CCDC30: variants seen among roughly 807,000 people sequenced by gnomAD.
The protein encoded by CCDC30 is coiled-coil domain containing 30.
In CCDC30, 70 loss-of-function variants were observed where a neutral mutation model predicts 100.2. The observed-to-expected ratio is 0.70, with a 90% CI of 0.58 to 0.85. CCDC30 has a LOEUF of 0.85. Ranked by LOEUF, CCDC30 falls within the 40% of genes least tolerant of loss-of-function variation. The probability of loss-of-function intolerance (pLI) is 0.00; values close to 1 mark genes in which losing one functional copy is unlikely to be tolerated. For missense variants in CCDC30, 652 were observed against 771.2 expected, an observed-to-expected ratio of 0.85 and a Z score of 1.83; for synonymous variants, 233 against 269.5, an observed-to-expected ratio of 0.86 and a Z score of 1.33.
chr1:42,577,007 T>C lies in CCDC30; in HGVS notation c.637-13T>C, dbSNP rs750441230. 6.3e-7 allele frequency: 1 copy of C among 1,579,778 alleles called. No individual in the cohort carries two copies. On this transcript the variant is annotated splice_polypyrimidine_tract_variant and intron_variant, in intron 7 of 16. Transcript: ENST00000668663. The stretch of plus-strand genomic sequence containing the variant: ...ACTTATTTGTATTACTCTTACTTAT[T>C]CTCTACCTCTAGATAAAGATTGAAC...
intron 8 of CCDC30, 44 bp from the exon 13 acceptor site, chr1:42,581,316 A>G: frequency 1.3e-6 from 2 of 1,510,128 alleles, no homozygotes; most frequent in African/African-American, 2.8e-5. Flanking sequence ...AAAAAAGGTC[A>G]CACTCTTCTT....
In CCDC30 at chr1:42,504,354, A is replaced by C. The variant is rs74966163; in HGVS notation, c.456+5438A>C. On this transcript the variant is annotated intron_variant, in intron 6 of 16. Transcript: ENST00000668663. ...ATGGTCAGTTTTGGGGCCAGATTTCAGGGGGCTTGTTCCCAACACCTGTTA... is the reference window on the plus strand; with the variant it reads ...ATGGTCAGTTTTGGGGCCAGATTTCCGGGGGCTTGTTCCCAACACCTGTTA... Among the ~76,000 whole-genome samples the C allele has an allele frequency of 3.3e-3, 495 of 152,266 alleles. 6 individuals are homozygous for C. Among genetic ancestry groups the C allele is most frequent in the East Asian group, 0.01 (54 of 5,162 alleles).
intron 2 of CCDC30, among the ~76,000 whole-genome samples, chr1:42,481,940 T>TG (rs1379285594): frequency 6.6e-6 from 1 of 152,078 alleles, no homozygotes; most frequent in Non-Finnish European, 1.5e-5. Context: ...CATTACAAGC[T>TG]GGGTGCGGTG....
chr1:42,642,411 A>C (rs1647530654), intron 12 of CCDC30, 62 bp from the exon 17 acceptor site: 1 of 1,352,028 alleles, frequency 7.4e-7, no homozygotes, highest in African/African-American at 1.5e-5. Context: ...AAACAGGCTT[A>C]TGCTCTTAAA....
chr1:42,481,846 A>C (rs1643963741), intron 2 of CCDC30, among the ~76,000 whole-genome samples: 1 of 152,194 alleles, frequency 6.6e-6, no homozygotes, highest in African/African-American at 2.4e-5. Flanking sequence ...CAATAGCAAA[A>C]ATCAGAAGCT....
At chr1:42,634,249 C>CAAAAAAAAAAAAAAAAAAAAAAAA (rs754829759) in intron 11 of CCDC30, among the ~76,000 whole-genome samples, 1 of 115,318 alleles carries the variant, frequency 8.7e-6, no homozygotes, top group African/African-American at 3.3e-5. Context: ...AAGACTGTCT[C>CAAAAAAAAAAAAAAAAAAAAAAAA]AAAAAAAAAA....
intron 6 of CCDC30, among the ~76,000 whole-genome samples, chr1:42,535,501 C>T (rs931113138): frequency 6.7e-6 from 1 of 150,110 alleles, no homozygotes; most frequent in Non-Finnish European, 1.5e-5. Flanking sequence ...GTGCCAATTT[C>T]AGCTGCTTCC....
intron 9 of CCDC30, among the ~76,000 whole-genome samples, chr1:42,585,594 A>G (rs1646051727): frequency 6.6e-6 from 1 of 151,860 alleles, no homozygotes. Flanking sequence ...CTTTAGGCTT[A>G]TAATGTTCTT....
rs541037809 is a variant in CCDC30 at position 42,463,688 on chromosome 1, G to A, written c.-302G>A. 6.6e-6 allele frequency: 1 copy of A among 152,186 alleles called. No homozygotes were observed. The highest frequency in any genetic ancestry group is 1.5e-5 in the Non-Finnish European group (1 of 68,052). 9.4% of individuals were successfully genotyped at this position (152,186 alleles called of 1,614,324 possible). A position where few individuals can be genotyped will look rare whatever the true frequency, so the allele number is the denominator to read the frequency against. On this transcript the variant is annotated 5_prime_UTR_variant, in exon 1 of 17. The change creates a new upstream start codon in the 5' untranslated region. Coordinates refer to ENST00000668663, the Ensembl canonical transcript of CCDC30. ...TCGGCGTTCCTTTTCTCACTTAAAG[G>A]TGAGGTGTCGAGACGCGCCCCTGGA...
the CCDC30 span, chr1:42,457,327 C>A: frequency 1.2e-6 from 2 of 1,614,176 alleles, no homozygotes; most frequent in Non-Finnish European, 1.7e-6. Flanking sequence ...ACACAAGATC[C>A]AGTCATCTGG....
chr1:42,520,247 C>T (rs955296232), intron 6 of CCDC30, among the ~76,000 whole-genome samples: 5 of 146,806 alleles, frequency 3.4e-5, no homozygotes, highest in African/African-American at 1.2e-4. Flanking sequence ...TTACAAATTT[C>T]CCGCCTTCAC....
chr1:42,612,617 G>T (rs760371591), intron 11 of CCDC30, among the ~76,000 whole-genome samples: 11 of 152,152 alleles, frequency 7.2e-5, no homozygotes, highest in Non-Finnish European at 1.6e-4. Flanking sequence ...CTTCTTGGGG[G>T]TCTCAATGAG....
chr1:42,646,247 A>G, exon 15 of CCDC30: 1 of 1,553,598 alleles, frequency 6.4e-7, no homozygotes, highest in South Asian at 1.2e-5. Flanking sequence ...ACCAGCAACA[A>G]TGCAGAACTC....
upstream of CCDC30, among the ~76,000 whole-genome samples, chr1:42,462,465 T>A (rs540408900): frequency 6.6e-6 from 1 of 152,210 alleles, no homozygotes; most frequent in South Asian, 2.1e-4. Flanking sequence ...TTGAGGCACT[T>A]TATTATATAA....
intron 12 of CCDC30, among the ~76,000 whole-genome samples, chr1:42,639,703 T>G (rs1307045701): frequency 6.6e-6 from 1 of 152,214 alleles, no homozygotes; most frequent in African/African-American, 2.4e-5. Flanking sequence ...ATCCCTACCT[T>G]ACATACACAA....
exon 13 of CCDC30, chr1:42,642,564 A>G: frequency 6.2e-7 from 1 of 1,603,202 alleles, no homozygotes; most frequent in Non-Finnish European, 8.5e-7. Context: ...GAGCAAGAAC[A>G]GTTGATCCAC....
chr1:42,459,456 C>G (rs1350310675), upstream of CCDC30: 17 of 738,320 alleles, frequency 2.3e-5, no homozygotes, highest in African/African-American at 3.0e-4. Flanking sequence ...CACTGTGTTC[C>G]CCTAAGACTT....
chr1:42,631,225 TGCCTTAATG>T (rs752299779), intron 11 of CCDC30, among the ~76,000 whole-genome samples: 47 of 152,356 alleles, frequency 3.1e-4, no homozygotes, highest in Middle Eastern at 3.4e-3. Context: ...GTAGAGGTAC[TGCCTTAATG>T]GTCTTGGAAA....
chr1:42,577,387 C>T (rs1218444060), intron 8 of CCDC30, among the ~76,000 whole-genome samples, 158 bp downstream of exon 12: 1 of 151,964 alleles, frequency 6.6e-6, no homozygotes, highest in East Asian at 1.9e-4. Flanking sequence ...TTCACCTGTT[C>T]CTACAATTTT....
Sources: allele counts gnomAD v4.1 joint callset (sites outside exome capture counted in the v4.1 genomes callset), GRCh38; gene constraint gnomAD v4.1.1; transcripts MANE v1.5; gene names NCBI Gene and HGNC (gene_info 2026-07-23, HGNC 2026-07-21).